Variants in BICRA observed in about 807,000 individuals in gnomAD.
The protein encoded by BICRA is BRD4 interacting chromatin remodeling complex associated protein, also known as BRD4-interacting chromatin-remodeling complex-associated protein.
Under a neutral mutation model 96.9 loss-of-function variants are expected in BICRA, and 31 were observed. The ratio of observed to expected loss-of-function variants is 0.32; its 90% confidence interval spans 0.24 to 0.43. The LOEUF (loss-of-function observed/expected upper bound fraction) is 0.43. Among genes scored for constraint, BICRA ranks in the 20% least tolerant of loss-of-function variants. BICRA has a pLI of 1.00. For missense variants in BICRA, 2,283 were observed against 2,190.3 expected (o/e 1.04, Z -0.84); for synonymous variants, 1,350 against 1,071.8 (o/e 1.26, Z -5.07).
intron 2 of BICRA, among the ~76,000 whole-genome samples, chr19:47,671,630 G>A (rs531303337): frequency 6.6e-6 from 1 of 152,100 alleles, no homozygotes; most frequent in African/African-American, 2.4e-5. Context: ...AGCTTGGAAG[G>A]ATAGAGGGAT....
chr19:47,613,381 A>G (rs1468488835), intron 1 of BICRA, among the ~76,000 whole-genome samples: 2 of 152,068 alleles, frequency 1.3e-5, no homozygotes, highest in Admixed American at 6.5e-5. Flanking sequence ...ACAGGAAAAC[A>G]TGGCATTCCT....
chr19:47,688,889 C>T (rs1175203550), intron 7 of BICRA, among the ~76,000 whole-genome samples: 1 of 151,724 alleles, frequency 6.6e-6, no homozygotes, highest in Non-Finnish European at 1.5e-5. Flanking sequence ...TGCAGTGGCG[C>T]GATCTCGGCT....
At chr19:47,611,503 G>T (rs149504478) in intron 1 of BICRA, among the ~76,000 whole-genome samples, 5 of 152,284 alleles carry the variant, frequency 3.3e-5, no homozygotes, top group Admixed American at 2.6e-4. Context: ...CTGAGCGGGG[G>T]ACTTGGCCCC....
At chr19:47,685,471 T>G (rs1599855930) in intron 7 of BICRA, among the ~76,000 whole-genome samples, 1 of 152,184 alleles carries the variant, frequency 6.6e-6, no homozygotes, top group Middle Eastern at 3.4e-3. Context: ...AGCAAATGGA[T>G]GGACAGATGG....
intron 1 of BICRA, among the ~76,000 whole-genome samples, chr19:47,627,579 A>G (rs1240414595): frequency 2.0e-5 from 3 of 152,134 alleles, no homozygotes; most frequent in Non-Finnish European, 2.9e-5. Flanking sequence ...TGCAGCAAAT[A>G]TATCTGCTGC....
intron 1 of BICRA, chr19:47,662,898 C>T (rs1181836566): frequency 1.3e-5 from 2 of 152,332 alleles, no homozygotes; most frequent in East Asian, 3.9e-4. Context: ...TGTTTGACCT[C>T]TCTTCTTAAT....
At chr19:47,649,237 T>G (rs1348913301) in intron 1 of BICRA, among the ~76,000 whole-genome samples, 1 of 152,206 alleles carries the variant, frequency 6.6e-6, no homozygotes, top group Non-Finnish European at 1.5e-5. Flanking sequence ...TCCACCTGCC[T>G]TGGCCTCCCA....
chr19:47,644,543 C>T (rs895903296), intron 1 of BICRA, among the ~76,000 whole-genome samples: 1 of 146,312 alleles, frequency 6.8e-6, no homozygotes, highest in Admixed American at 6.9e-5. Flanking sequence ...CTCTGTCACT[C>T]AGGCTGGAGT....
intron 7 of BICRA, among the ~76,000 whole-genome samples, chr19:47,686,216 C>T (rs1973156806): frequency 6.6e-6 from 1 of 152,128 alleles, no homozygotes; most frequent in Admixed American, 6.5e-5. Flanking sequence ...CAGGCATGAG[C>T]CACCATGCCC....
At chr19:47,664,464 A>G (rs1464359407) in intron 1 of BICRA, among the ~76,000 whole-genome samples, 1 of 152,148 alleles carries the variant, frequency 6.6e-6, no homozygotes, top group East Asian at 1.9e-4. Flanking sequence ...GGTCTTCAGA[A>G]TCACAGGGTC....
intron 7 of BICRA, among the ~76,000 whole-genome samples, chr19:47,693,470 C>T (rs1303817566): frequency 4.6e-5 from 7 of 152,216 alleles, no homozygotes; most frequent in Admixed American, 1.3e-4. Flanking sequence ...GAAGGGGGTC[C>T]AGGCCTTCCC....
chr19:47,653,779 A>C (rs896566061), intron 1 of BICRA, among the ~76,000 whole-genome samples: 1 of 152,070 alleles, frequency 6.6e-6, no homozygotes, highest in African/African-American at 2.4e-5. Flanking sequence ...TTTGGGTTCT[A>C]CCTTTTGCTT....
At chr19:47,627,054 C>T (rs554388150) in intron 1 of BICRA, among the ~76,000 whole-genome samples, 31 of 152,216 alleles carry the variant, frequency 2.0e-4, no homozygotes, top group African/African-American at 7.2e-4. Flanking sequence ...AGCCTCGCTG[C>T]CCCCTTGGTA....
chr19:47,619,378 C>G (rs944608855), intron 1 of BICRA, among the ~76,000 whole-genome samples: 1 of 151,852 alleles, frequency 6.6e-6, no homozygotes, highest in South Asian at 2.1e-4. Flanking sequence ...CCTGCCTCAG[C>G]CTTCCGAGTA....
At chr19:47,630,751 C>G (rs1048021952) in intron 1 of BICRA, among the ~76,000 whole-genome samples, 3 of 152,016 alleles carry the variant, frequency 2.0e-5, no homozygotes, top group African/African-American at 7.2e-5. Flanking sequence ...GACTTTTTGC[C>G]TTCAGTTTGT....
At chr19:47,655,916 G>A (rs1304072226) in intron 1 of BICRA, among the ~76,000 whole-genome samples, 2 of 151,162 alleles carry the variant, frequency 1.3e-5, no homozygotes, top group African/African-American at 2.4e-5. Flanking sequence ...CTGAAGTGCC[G>A]TCTAATGTTT....
intron 7 of BICRA, among the ~76,000 whole-genome samples, chr19:47,686,150 T>TG (rs1657165003): frequency 6.6e-6 from 1 of 152,056 alleles, no homozygotes; most frequent in Non-Finnish European, 1.5e-5. Context: ...AGGCTGGTCT[T>TG]GAACTCCTTA....
At chr19:47,664,851 A>G (rs1972752917) in intron 1 of BICRA, among the ~76,000 whole-genome samples, 1 of 152,180 alleles carries the variant, frequency 6.6e-6, no homozygotes, top group South Asian at 2.1e-4. Context: ...TGCTCTGAAC[A>G]GACACAGTGC....
rs148183606 is a variant in BICRA at position 47,629,953 on chromosome 19, G to A, written c.-108+20785G>A. Among the ~76,000 whole-genome samples, 44 of 152,246 alleles carry A rather than the reference G, an allele frequency of 2.9e-4. No individual in the cohort carries two copies. In the South Asian group the frequency reaches 5.8e-3, roughly 20 times the overall value. On this transcript the variant is annotated intron_variant, in intron 1 of 14. Transcript: ENST00000594866. ...TGGGATTACAGGCATGAGCCACGGC[G>A]CCCGGCCACCCATTTTAGCTCTTTT... is the stretch of plus-strand genomic sequence containing the variant.
Sources: allele counts gnomAD v4.1 joint callset (sites outside exome capture counted in the v4.1 genomes callset), GRCh38; gene constraint gnomAD v4.1.1; transcripts MANE v1.5; gene names NCBI Gene and HGNC (gene_info 2026-07-23, HGNC 2026-07-21).